NDRG3: variants seen among roughly 807,000 people sequenced by gnomAD.
NDRG3 encodes protein NDRG3.
A neutral mutation model predicts 57.2 loss-of-function variants in NDRG3; 23 were observed. The ratio of observed to expected loss-of-function variants is 0.40; its 90% CI spans 0.29 to 0.57. The LOEUF (loss-of-function observed/expected upper bound fraction) is 0.57, where lower values mean the gene tolerates loss of function less well. Among genes scored for constraint, NDRG3 ranks in the 20% least tolerant of loss-of-function variants. The pLI is 0.42. For synonymous variants in NDRG3, 132 were observed against 162.6 expected (o/e 0.81, Z 1.43); for missense variants, 384 against 457.3 (o/e 0.84, Z 1.46).
intron 3 of NDRG3, chr20:36,700,567 A>G: frequency 4.0e-6 from 2 of 504,916 alleles, no homozygotes; most frequent in South Asian, 3.0e-5. Context: ...TGCAGGGAGT[A>G]ACGTGCTGTT....
chr20:36,725,343 C>T (rs976797734), intron 1 of NDRG3, among the ~76,000 whole-genome samples: 4 of 151,492 alleles, frequency 2.6e-5, no homozygotes, highest in African/African-American at 9.7e-5. Context: ...GGAATGGTGG[C>T]TCACGCCTGT....
At chr20:36,689,148 C>G (rs1375083052) in intron 3 of NDRG3, among the ~76,000 whole-genome samples, 1 of 152,108 alleles carries the variant, frequency 6.6e-6, no homozygotes. Context: ...GAGCTGAGAT[C>G]GTGCTACTGC....
intron 3 of NDRG3, among the ~76,000 whole-genome samples, chr20:36,705,023 A>T (rs1295763820): frequency 6.6e-6 from 1 of 152,134 alleles, no homozygotes; most frequent in East Asian, 1.9e-4. Context: ...AAACAGAAAC[A>T]AGAAAAACCA....
chr20:36,682,656 C>G, intron 6 of NDRG3, 78 bp from the exon 7 acceptor site: 1 of 1,258,322 alleles, frequency 7.9e-7, no homozygotes, highest in Non-Finnish European at 1.2e-6. Flanking sequence ...AGCATACAAC[C>G]TGGGTTGAAA....
intron 12 of NDRG3, among the ~76,000 whole-genome samples, chr20:36,663,537 C>T (rs1280677724): frequency 6.6e-6 from 1 of 152,082 alleles, no homozygotes; most frequent in Admixed American, 6.6e-5. Flanking sequence ...CAAATTAAAA[C>T]AGTGAGATAC....
At chr20:36,692,627 T>G (rs1178461093) in intron 3 of NDRG3, among the ~76,000 whole-genome samples, 3 of 152,136 alleles carry the variant, frequency 2.0e-5, no homozygotes, top group Non-Finnish European at 4.4e-5. Flanking sequence ...CCTACAGAAA[T>G]TTTACCCTAC....
intron 9 of NDRG3, among the ~76,000 whole-genome samples, chr20:36,671,117 G>A (rs1037550508): frequency 6.6e-6 from 1 of 152,200 alleles, no homozygotes; most frequent in African/African-American, 2.4e-5. Flanking sequence ...TACAGGAACA[G>A]GTAGCAGGAG....
In NDRG3 at chr20:36,664,383, T is replaced by C. The variant is rs78820132; in HGVS notation, c.810+663A>G. ...TGAGCATATATCATTTTTATCCAAG[T>C]GCTATGTCCTTCAGAAGGAGGCAGA... On this transcript the variant is annotated intron_variant, in intron 12 of 15. Coordinates refer to ENST00000349004, the MANE Select transcript of NDRG3 (RefSeq NM_032013.4). Among the ~76,000 whole-genome samples, 1,354 of 152,254 alleles carry C rather than the reference T, an allele frequency of 8.9e-3. 10 individuals are homozygous for C. The highest frequency in any genetic ancestry group is 0.014 in the Non-Finnish European group (936 of 68,022).
intron 2 of NDRG3, among the ~76,000 whole-genome samples, chr20:36,720,355 T>C (rs964567708): frequency 1.3e-5 from 2 of 151,940 alleles, no homozygotes; most frequent in Non-Finnish European, 2.9e-5. Context: ...GTATTTTTAG[T>C]AGAGATGGAA....
rs191553485 is a variant in NDRG3, at chr20:36,687,780, T to A, written c.200-168A>T. 1.3e-3 allele frequency among the ~76,000 whole-genome samples: 205 copies of A among 152,344 alleles called. No homozygotes were observed. The highest frequency in any genetic ancestry group is 3.1e-3 in the Admixed American group (47 of 15,300). ...GATTCAAGCTGCCCTAAAGGCTGAATATAAGACATCTCATATTGAGATACA... is the reference window on the plus strand; with the variant it reads ...GATTCAAGCTGCCCTAAAGGCTGAAAATAAGACATCTCATATTGAGATACA... On this transcript the variant is annotated intron_variant, in intron 4 of 15. Coordinates refer to ENST00000349004, the MANE Select transcript of NDRG3 (RefSeq NM_032013.4).
intron 8 of NDRG3, among the ~76,000 whole-genome samples, chr20:36,671,825 C>G (rs1980201528): frequency 6.7e-6 from 1 of 149,932 alleles, no homozygotes; most frequent in Non-Finnish European, 1.5e-5. Flanking sequence ...AAAAACCCCA[C>G]AATTCAGTGT....
intron 8 of NDRG3, among the ~76,000 whole-genome samples, chr20:36,672,632 C>T (rs570248167): frequency 6.6e-6 from 1 of 152,170 alleles, no homozygotes; most frequent in South Asian, 2.1e-4. Flanking sequence ...AGTTTGAGAC[C>T]AGGCTGACCA....
intron 1 of NDRG3, among the ~76,000 whole-genome samples, 195 bp from the exon 2 acceptor site, chr20:36,721,978 C>G (rs1188783620): frequency 6.6e-6 from 1 of 152,154 alleles, no homozygotes; most frequent in Non-Finnish European, 1.5e-5. Context: ...TATTCACATC[C>G]TTGCCTAATA....
At chr20:36,680,225 G>A (rs6016195) in intron 8 of NDRG3, among the ~76,000 whole-genome samples, 1,648 of 151,872 alleles carry the variant, frequency 0.011, 40 homozygotes, top group African/African-American at 0.038. Context: ...GGTGGCTCAC[G>A]CCTGTAATCC....
At chr20:36,684,299 T>C in intron 6 of NDRG3, 114 bp downstream of exon 6, 1 of 824,524 alleles carries the variant, frequency 1.2e-6, no homozygotes, top group South Asian at 1.5e-5. Flanking sequence ...CACTAAGCTC[T>C]AGGAGGACAG....
At chr20:36,680,082 C>G (rs1264304280) in intron 8 of NDRG3, among the ~76,000 whole-genome samples, 1 of 151,892 alleles carries the variant, frequency 6.6e-6, no homozygotes, top group Non-Finnish European at 1.5e-5. Flanking sequence ...CCTCTGCCTC[C>G]CAAAGTGCTG....
intron 13 of NDRG3, among the ~76,000 whole-genome samples, chr20:36,658,535 A>G (rs567458263): frequency 1.3e-5 from 2 of 152,366 alleles, no homozygotes; most frequent in African/African-American, 4.8e-5. Context: ...TTGTGGTAAC[A>G]GCACTTCCCT....
intron 8 of NDRG3, among the ~76,000 whole-genome samples, chr20:36,671,755 T>C (rs1003458742): frequency 6.6e-6 from 1 of 150,720 alleles, no homozygotes; most frequent in Non-Finnish European, 1.5e-5. Flanking sequence ...TGAGCCGAGA[T>C]TGCGCCACTG....
intron 6 of NDRG3, among the ~76,000 whole-genome samples, chr20:36,682,945 TA>T (rs368549094): frequency 2.9e-4 from 33 of 114,850 alleles, no homozygotes; most frequent in African/African-American, 3.3e-4. Flanking sequence ...GTGCGCCTGT[TA>T]AAAAAAAAAA....
Sources: allele counts gnomAD v4.1 joint callset (sites outside exome capture counted in the v4.1 genomes callset), GRCh38; gene constraint gnomAD v4.1.1; transcripts MANE v1.5; gene names NCBI Gene and HGNC (gene_info 2026-07-23, HGNC 2026-07-21).